CCDC60: variants seen among roughly 807,000 people sequenced by gnomAD.
The protein encoded by CCDC60 is coiled-coil domain containing 60, also known as coiled-coil domain-containing protein 60.
Under a neutral mutation model 63.5 loss-of-function variants are expected in CCDC60, and 54 were observed. That is an observed-to-expected ratio of 0.85 (90% CI 0.68 to 1.07). The LOEUF (loss-of-function observed/expected upper bound fraction) is 1.07. Among genes scored for constraint, CCDC60 ranks in the 50% least tolerant of loss-of-function variants. CCDC60 has a pLI of 0.00. For synonymous variants in CCDC60, 206 were observed against 238.8 expected, an observed-to-expected ratio of 0.86 and a Z score of 1.27; for missense variants, 651 against 684.3, an observed-to-expected ratio of 0.95 and a Z score of 0.54.
chr12:119,453,170 G>T (rs911010995), intron 2 of CCDC60, among the ~76,000 whole-genome samples: 2 of 152,000 alleles, frequency 1.3e-5, no homozygotes, highest in Admixed American at 1.3e-4. Context: ...TCCCACTTTG[G>T]CCTAAACCCT....
intron 11 of CCDC60, among the ~76,000 whole-genome samples, chr12:119,527,367 CAT>C (rs1424251165): frequency 1.3e-5 from 2 of 152,154 alleles, no homozygotes; most frequent in African/African-American, 2.4e-5. Flanking sequence ...CCCCGTGACA[CAT>C]GTTTATCTAT....
intron 2 of CCDC60, among the ~76,000 whole-genome samples, chr12:119,444,201 A>G: frequency 6.6e-6 from 1 of 152,244 alleles, no homozygotes; most frequent in South Asian, 2.1e-4. Context: ...TACTTTTCAG[A>G]CATCGTTTTC....
chr12:119,399,562 G>A (rs1484924276), intron 1 of CCDC60, among the ~76,000 whole-genome samples: 2 of 152,110 alleles, frequency 1.3e-5, no homozygotes, highest in African/African-American at 2.4e-5. Context: ...TGTCTGCTTG[G>A]GATTTTCCTT....
intron 5 of CCDC60, among the ~76,000 whole-genome samples, chr12:119,499,467 T>C (rs1249289877): frequency 1.3e-5 from 2 of 152,252 alleles, no homozygotes; most frequent in African/African-American, 4.8e-5. Flanking sequence ...ACTCCCTTAG[T>C]TTGTTTTCTC....
chr12:119,446,230 G>A (rs868187516), intron 2 of CCDC60, among the ~76,000 whole-genome samples: 2 of 152,108 alleles, frequency 1.3e-5, no homozygotes, highest in African/African-American at 4.8e-5. Context: ...GTTAAAACAG[G>A]AATCTGAATC....
intron 2 of CCDC60, among the ~76,000 whole-genome samples, chr12:119,464,192 T>G (rs1950909404): frequency 6.9e-6 from 1 of 144,584 alleles, no homozygotes; most frequent in African/African-American, 2.6e-5. Flanking sequence ...ATGTATGAAT[T>G]TGGGGAGGAC....
intron 1 of CCDC60, among the ~76,000 whole-genome samples, chr12:119,384,280 G>A (rs1293619337): frequency 3.3e-5 from 5 of 152,094 alleles, no homozygotes; most frequent in African/African-American, 9.7e-5. Context: ...CAAAGCACAG[G>A]GCTGCAAAAT....
At chr12:119,444,809 C>T (rs1950511265) in intron 2 of CCDC60, among the ~76,000 whole-genome samples, 1 of 152,184 alleles carries the variant, frequency 6.6e-6, no homozygotes. Flanking sequence ...GGGAGGCTAC[C>T]TTTAGGAGCT....
chr12:119,449,782 G>A (rs538610217), intron 2 of CCDC60, among the ~76,000 whole-genome samples: 58 of 152,102 alleles, frequency 3.8e-4, no homozygotes, highest in Middle Eastern at 3.4e-3. Flanking sequence ...AGAGACCAGG[G>A]GTGTCTAACC....
Position 119,530,973 on chromosome 12 carries a change from CT to C in CCDC60, c.1463del (p.Leu488CysfsTer9). The C allele has an allele frequency of 6.2e-7, 1 of 1,614,182 alleles. No individual in the cohort carries two copies. Among genetic ancestry groups the C allele is most frequent in the South Asian group, 1.1e-5 (1 of 91,072 alleles). ...TGCAGAAGTTTGGAGAAAACCTGGA[CT>C]TGCGGATTCGACCCCATGTCCTCCT... The part of the protein sequence containing the change: ...KLQKFGENLD[L>X]RIRPHVLLKV... On this transcript the variant is annotated frameshift_variant, in exon 13 of 14. Coordinates refer to ENST00000327554, the MANE Select transcript of CCDC60 (RefSeq NM_178499.5). LOFTEE classifies it high-confidence loss of function.
intron 2 of CCDC60, among the ~76,000 whole-genome samples, chr12:119,452,644 G>C (rs1045194765): frequency 6.6e-6 from 1 of 152,196 alleles, no homozygotes; most frequent in Non-Finnish European, 1.5e-5. Flanking sequence ...ACACGGTAAT[G>C]AGTCATATTC....
chr12:119,533,850 T>G (rs985489571), intron 13 of CCDC60, among the ~76,000 whole-genome samples: 5 of 152,142 alleles, frequency 3.3e-5, no homozygotes, highest in Admixed American at 6.5e-5. Flanking sequence ...AGTCAGGTAG[T>G]GTGATGCCTC....
intron 2 of CCDC60, among the ~76,000 whole-genome samples, chr12:119,434,177 AG>A (rs1281788785): frequency 1.3e-5 from 2 of 152,182 alleles, no homozygotes; most frequent in Non-Finnish European, 2.9e-5. Flanking sequence ...CACGTGTTTA[AG>A]GGGTCTGAGA....
Position 119,335,075 on chromosome 12 carries a change from G to A in CCDC60, c.-102G>A. 1 of 876,558 alleles carries A rather than the reference G, an allele frequency of 1.1e-6. No individual in the cohort carries two copies. The allele number at this position is 876,558 out of a possible 1,614,324, so 54.3% of individuals were successfully genotyped here. On this transcript the variant is annotated 5_prime_UTR_variant, in exon 1 of 14. Coordinates refer to ENST00000327554, the MANE Select transcript of CCDC60 (RefSeq NM_178499.5). The stretch of plus-strand genomic sequence containing the variant: ...GTGTAATTGGGACTTGGGGATCAGG[G>A]AGAAGTTGCCGAAACTTCTCATACC...
At chr12:119,481,297 C>T (rs996222471) in intron 4 of CCDC60, among the ~76,000 whole-genome samples, 1 of 152,176 alleles carries the variant, frequency 6.6e-6, no homozygotes, top group Non-Finnish European at 1.5e-5. Context: ...CATGATGTCT[C>T]TTCAGTACAC....
chr12:119,454,898 G>T (rs1950696019), intron 2 of CCDC60, among the ~76,000 whole-genome samples: 1 of 152,164 alleles, frequency 6.6e-6, no homozygotes, highest in Non-Finnish European at 1.5e-5. Flanking sequence ...CTCCGTATTT[G>T]CTTCCATCTG....
chr12:119,379,706 A>T (rs1017127811), intron 1 of CCDC60, among the ~76,000 whole-genome samples: 4 of 152,206 alleles, frequency 2.6e-5, no homozygotes, highest in Admixed American at 2.6e-4. Flanking sequence ...TCACCTGCAG[A>T]TGGTAACTGA....
At chr12:119,487,219 T>C (rs552941514) in intron 4 of CCDC60, among the ~76,000 whole-genome samples, 1 of 152,272 alleles carries the variant, frequency 6.6e-6, no homozygotes, top group Admixed American at 6.5e-5. Context: ...AAGTCACTCA[T>C]TGCCCCTCTC....
chr12:119,516,992 T>C (rs1391639462), intron 8 of CCDC60, among the ~76,000 whole-genome samples: 1 of 152,096 alleles, frequency 6.6e-6, no homozygotes, highest in Admixed American at 6.5e-5. Context: ...TCTTACCAAT[T>C]TATTTTTGTC....
Sources: allele counts gnomAD v4.1 joint callset (sites outside exome capture counted in the v4.1 genomes callset), GRCh38; gene constraint gnomAD v4.1.1; transcripts MANE v1.5; gene names NCBI Gene and HGNC (gene_info 2026-07-23, HGNC 2026-07-21).